NECAB2: variants seen among roughly 807,000 people sequenced by gnomAD.
The protein encoded by NECAB2 is N-terminal EF-hand calcium binding protein 2.
In NECAB2, 68 loss-of-function variants were observed where a neutral mutation model predicts 51.9. The ratio of observed to expected loss-of-function variants is 1.31; its 90% CI spans 1.08 to 1.60. The LOEUF is 1.60. NECAB2 is among the 40% of genes most tolerant of loss of function. NECAB2 has a pLI of 0.00. For missense variants in NECAB2, 854 were observed against 490.3 expected, an observed-to-expected ratio of 1.74 and a Z score of -7.00; for synonymous variants, 329 against 203.5, an observed-to-expected ratio of 1.62 and a Z score of -5.25.
upstream of NECAB2, chr16:83,965,843 A>G (rs766739049): frequency 1.2e-6 from 2 of 1,613,000 alleles, no homozygotes; most frequent in South Asian, 1.1e-5. Context: ...GAGCGCCAAG[A>G]GGAACCCCAT....
rs752665689 is a variant in NECAB2, at chr16:84,001,923, G to C, written c.1132+7G>C. On this transcript the variant is annotated splice_region_variant and intron_variant, in intron 12 of 12. Coordinates refer to ENST00000305202, the MANE Select transcript of NECAB2 (RefSeq NM_019065.3). ...TCCAGGATCTTGGTGCCAGGTAGGG[G>C]GCAAAGGCCTGGAACTGCAGTGGCC... The C allele has an allele frequency of 6.2e-7, 1 of 1,613,696 alleles. No homozygotes were observed. Among genetic ancestry groups the C allele is most frequent in the Non-Finnish European group, 8.5e-7 (1 of 1,179,724 alleles).
chr16:83,972,277 A>C (rs779034661), intron 2 of NECAB2, 102 bp downstream of exon 2: 3 of 1,546,262 alleles, frequency 1.9e-6, no homozygotes, highest in Non-Finnish European at 2.7e-6. Context: ...TTGAACCTAA[A>C]GGTTTGGAGT....
chr16:84,000,867 A>G, intron 11 of NECAB2, 66 bp downstream of exon 11: 1 of 1,520,394 alleles, frequency 6.6e-7, no homozygotes, highest in Non-Finnish European at 9.1e-7. Context: ...GTCTTCCTGG[A>G]GCCAGGCATC....
At chr16:83,998,879 A>G (rs1012048348) in intron 10 of NECAB2, among the ~76,000 whole-genome samples, 1 of 152,210 alleles carries the variant, frequency 6.6e-6, no homozygotes, top group East Asian at 1.9e-4. Flanking sequence ...CACCAGGCTG[A>G]TGTAGCTCCT....
Position 83,969,679 on chromosome 16 carries a change from G to A in NECAB2, c.201+830G>A, listed in dbSNP as rs1004461344. Among the ~76,000 whole-genome samples, 7 of 152,154 alleles carry A rather than the reference G, an allele frequency of 4.6e-5. 1 individual carries two copies. The highest frequency in any genetic ancestry group is 4.4e-5 in the Non-Finnish European group (3 of 68,002). On this transcript the variant is annotated intron_variant, in intron 1 of 12. Transcript: ENST00000305202. ...GGAATCTTCAGGGGGCGGCTCGGAG[G>A]AGGAGGACTTCTCCCAGCAGAGAGT...
chr16:83,993,613 A>C (rs2084653865), intron 6 of NECAB2: 1 of 148,146 alleles, frequency 6.8e-6, no homozygotes, highest in African/African-American at 2.6e-5. Flanking sequence ...ACACAGTGCA[A>C]GGTGAGCTGT....
In NECAB2 at chr16:84,001,683, T is replaced by C. The variant is rs745532283; in HGVS notation, c.1041-142T>C. ...AGCCTCCCTGGGCACCCCCTCACCTTCCCACAAAGGCTCTGAGTCCAAAGA... is the reference window on the plus strand; with the variant it reads ...AGCCTCCCTGGGCACCCCCTCACCTCCCCACAAAGGCTCTGAGTCCAAAGA... On this transcript the variant is annotated intron_variant, in intron 11 of 12. Coordinates refer to ENST00000305202, the MANE Select transcript of NECAB2 (RefSeq NM_019065.3). 3.9e-5 allele frequency: 26 copies of C among 674,608 alleles called. 1 individual carries two copies. Among genetic ancestry groups the C allele is most frequent in the African/African-American group, 2.2e-4 (3 of 13,756 alleles). The allele number at this position is 674,608 out of a possible 1,614,324, so 41.8% of individuals were successfully genotyped here. A position where few individuals can be genotyped will look rare whatever the true frequency, so the allele number is the denominator to read the frequency against.
At chr16:83,970,513 C>T (rs1009319002) in intron 1 of NECAB2, among the ~76,000 whole-genome samples, 3 of 152,138 alleles carry the variant, frequency 2.0e-5, no homozygotes, top group African/African-American at 7.2e-5. Flanking sequence ...TCTCACCGCC[C>T]AGGTGCCTAG....
chr16:83,985,671 G>C (rs2084544102), intron 5 of NECAB2, among the ~76,000 whole-genome samples: 1 of 151,620 alleles, frequency 6.6e-6, no homozygotes. Context: ...CGTTCCCATA[G>C]CAATCACAGA....
chr16:83,970,833 C>A lies in NECAB2; in HGVS notation c.202-1318C>A, dbSNP rs547121747. Among the ~76,000 whole-genome samples the A allele has an allele frequency of 2.0e-5, 3 of 152,314 alleles. No homozygotes were observed. The South Asian group carries it at 6.2e-4, about 32-fold the overall frequency. Reference sequence around the variant, plus strand: ...GTGGGCAGGGCGCCGTGGCTCACGCCTGTAATCCCAGCACTTTGGGAGGCC... The same window carrying A: ...GTGGGCAGGGCGCCGTGGCTCACGCATGTAATCCCAGCACTTTGGGAGGCC... On this transcript the variant is annotated intron_variant, in intron 1 of 12. Coordinates refer to ENST00000305202, the MANE Select transcript of NECAB2 (RefSeq NM_019065.3).
At chr16:83,989,110 C>G (rs2084589912) in intron 5 of NECAB2, among the ~76,000 whole-genome samples, 1 of 152,166 alleles carries the variant, frequency 6.6e-6, no homozygotes, top group East Asian at 1.9e-4. Flanking sequence ...TTCTAGCAGC[C>G]TTTTGCTTTG....
At chr16:83,979,469 A>C (rs908117152) in intron 3 of NECAB2, among the ~76,000 whole-genome samples, 1 of 152,112 alleles carries the variant, frequency 6.6e-6, no homozygotes, top group Admixed American at 6.5e-5. Flanking sequence ...GGACCGGGAT[A>C]TGGTAAGTGG....
At chr16:84,001,707 G>C (rs971424431) in intron 11 of NECAB2, 118 bp from the exon 12 acceptor site, 4 of 1,055,686 alleles carry the variant, frequency 3.8e-6, no homozygotes, top group African/African-American at 3.3e-5. Flanking sequence ...TGAGTCCAAA[G>C]ACCCCCCGTG....
intron 5 of NECAB2, among the ~76,000 whole-genome samples, chr16:83,987,902 A>G (rs1009479790): frequency 6.6e-6 from 1 of 152,236 alleles, no homozygotes. Flanking sequence ...CGAAGTCCCC[A>G]TAGCTATATT....
At chr16:83,965,697 C>A (rs780546054), upstream of NECAB2, 4 of 1,613,662 alleles carry the variant, frequency 2.5e-6, no homozygotes, top group Non-Finnish European at 3.4e-6. Context: ...GACTGCCAGG[C>A]CGTGTTCCAG....
chr16:83,999,660 T>A (rs1325370423), intron 10 of NECAB2, among the ~76,000 whole-genome samples: 1 of 152,068 alleles, frequency 6.6e-6, no homozygotes, highest in African/African-American at 2.4e-5. Flanking sequence ...TGGGGCGGCA[T>A]AGACTATCAG....
At chr16:83,997,649 G>A (rs1211021784) in intron 9 of NECAB2, among the ~76,000 whole-genome samples, 3 of 151,770 alleles carry the variant, frequency 2.0e-5, no homozygotes, top group Non-Finnish European at 4.4e-5. Context: ...CACCACGCCT[G>A]GCTAATTTTT....
At chr16:83,990,363 C>G (rs544617651) in intron 5 of NECAB2, 131 bp from the exon 6 acceptor site, 4 of 1,209,980 alleles carry the variant, frequency 3.3e-6, no homozygotes, top group African/African-American at 1.5e-5. Flanking sequence ...CCCAGGAGGC[C>G]GTGGGGTCCT....
rs1389027278 is a variant in NECAB2 at position 84,002,428 on chromosome 16, T to G, written c.*82T>G. On this transcript the variant is annotated 3_prime_UTR_variant, in exon 13 of 13. Transcript: ENST00000305202. ...TCCCGTTTTTTTCTAGACAGACACTTTGGTGCAGAAGCTTCTTTTCAATCC... is the reference window on the plus strand; with the variant it reads ...TCCCGTTTTTTTCTAGACAGACACTGTGGTGCAGAAGCTTCTTTTCAATCC... The G allele has an allele frequency of 1.3e-6, 2 of 1,516,506 alleles. No homozygotes were observed. The highest frequency in any genetic ancestry group is 1.8e-6 in the Non-Finnish European group (2 of 1,094,568). The allele number at this position is 1,516,506 out of a possible 1,614,324, so 93.9% of individuals were successfully genotyped here. A position where few individuals can be genotyped will look rare whatever the true frequency, so the allele number is the denominator to read the frequency against.
Sources: gnomAD v4.1 joint callset for allele counts (sites outside exome capture counted in the v4.1 genomes callset) on GRCh38, gnomAD v4.1.1 for gene constraint, MANE v1.5 for transcripts, NCBI Gene and HGNC (gene_info 2026-07-23, HGNC 2026-07-21) for gene names.